H2BC18: variants seen among roughly 807,000 people sequenced by gnomAD.
The protein encoded by H2BC18 is H2B clustered histone 18.
Under a neutral mutation model 6.3 loss-of-function variants are expected in H2BC18, and 8 were observed. The observed-to-expected ratio is 1.28, with a 90% CI of 0.75 to 2.31. The LOEUF (loss-of-function observed/expected upper bound fraction) is 2.31, where lower values mean the gene tolerates loss of function less well. H2BC18 is among the 30% of genes most tolerant of loss of function. The pLI is 0.00. For missense variants in H2BC18, 106 were observed against 174.5 expected, an observed-to-expected ratio of 0.61 and a Z score of 2.21; for synonymous variants, 104 against 78.1, an observed-to-expected ratio of 1.33 and a Z score of -1.75.
At chr1:149,797,334 G>A (rs185706987) in intron 1 of H2BC18, among the ~76,000 whole-genome samples, 8 of 151,822 alleles carry the variant, frequency 5.3e-5, no homozygotes, top group African/African-American at 1.7e-4. Context: ...AATTTGTATG[G>A]AAAAGTCAAC....
chr1:149,812,328 G>A lies in H2BC18; in HGVS notation c.-5C>T, dbSNP rs201696048. 2.8e-3 allele frequency: 4,591 copies of A among 1,613,538 alleles called. 155 individuals are homozygous for A. The South Asian group carries it at 0.048, about 17-fold the overall frequency. On this transcript the variant is annotated 5_prime_UTR_variant, in exon 1 of 1. Transcript: ENST00000369167. ...GGATTTCGCTGGATCCGGCATTTTT[G>A]CGCGAAAAAAGAGAAAAGAGACTTA...
chr1:149,792,609 G>T (rs2091736589), intron 1 of H2BC18: 4 of 1,221,128 alleles, frequency 3.3e-6, no homozygotes, highest in Non-Finnish European at 4.2e-6. Flanking sequence ...CGGGCCCCTG[G>T]CGCCACACTG....
chr1:149,785,407 C>CCTTTTTTT (rs1553750700), intron 1 of H2BC18, among the ~76,000 whole-genome samples: 24 of 74,530 alleles, frequency 3.2e-4, no homozygotes, highest in Non-Finnish European at 5.0e-4. Flanking sequence ...AGAGCTGTTT[C>CCTTTTTTT]GTTTTTTTTT....
downstream of H2BC18, among the ~76,000 whole-genome samples, chr1:149,808,007 T>C (rs1553754072): frequency 1.3e-5 from 2 of 151,858 alleles, no homozygotes; most frequent in Non-Finnish European, 2.9e-5. Context: ...TATAATAATA[T>C]TAAAAAATAA....
intron 1 of H2BC18, chr1:149,792,681 G>A (rs1559748821): frequency 2.3e-6 from 3 of 1,280,432 alleles, no homozygotes; most frequent in Non-Finnish European, 3.0e-6. Context: ...CCAGCGCCCG[G>A]GGACCCAGCT....
chr1:149,792,834 TG>T (rs1553752216), intron 1 of H2BC18: 1 of 1,277,590 alleles, frequency 7.8e-7, no homozygotes, highest in African/African-American at 1.6e-5. Context: ...GGCAGGCGGA[TG>T]GAAGAGAGCA....
At chr1:149,789,581 G>A (rs1553751409) in intron 1 of H2BC18, among the ~76,000 whole-genome samples, 1 of 152,148 alleles carries the variant, frequency 6.6e-6, no homozygotes, top group African/African-American at 2.4e-5. Context: ...TCCGTGGCCT[G>A]TTAGGAACTG....
chr1:149,794,215 G>A (rs2091773829), intron 1 of H2BC18: 1 of 347,030 alleles, frequency 2.9e-6, no homozygotes, highest in African/African-American at 2.2e-5. Flanking sequence ...TGTTTTGTAG[G>A]AAGTGTCAAC....
intron 1 of H2BC18, chr1:149,788,612 T>C: frequency 6.2e-7 from 1 of 1,614,014 alleles, no homozygotes; most frequent in Non-Finnish European, 8.5e-7. Flanking sequence ...TCTGTCACTG[T>C]GAAAGGTATT....
chr1:149,812,370 T>C lies in H2BC18; in HGVS notation c.-47A>G. On this transcript the variant is annotated 5_prime_UTR_variant, in exon 1 of 1. Transcript: ENST00000369167. ...AGAGACTTAAAGAAGTAATCCGAACTACCGCAAAACGGGCTGGTTATGCGC... is the reference window on the plus strand; with the variant it reads ...AGAGACTTAAAGAAGTAATCCGAACCACCGCAAAACGGGCTGGTTATGCGC... 6.2e-7 allele frequency: 1 copy of C among 1,613,690 alleles called. No homozygotes were observed. The highest frequency in any genetic ancestry group is 2.2e-5 in the East Asian group (1 of 44,882).
intron 1 of H2BC18, chr1:149,786,242 T>C (rs1299440274): frequency 2.0e-5 from 3 of 152,228 alleles, no homozygotes; most frequent in Non-Finnish European, 4.4e-5. Context: ...CCTATTTGGG[T>C]ATCCTTTTTT....
At chr1:149,792,749 A>G (rs1357717152) in intron 1 of H2BC18, 4 of 1,283,754 alleles carry the variant, frequency 3.1e-6, no homozygotes, top group Non-Finnish European at 4.1e-6. Context: ...GCCAAAACCC[A>G]GTGAGAAATT....
At chr1:149,808,971 C>A (rs2091948250), downstream of H2BC18, among the ~76,000 whole-genome samples, 1 of 148,534 alleles carries the variant, frequency 6.7e-6, no homozygotes, top group East Asian at 2.0e-4. Context: ...GAACTGCACC[C>A]AGTTTTAAAA....
At chr1:149,806,236 T>C (rs188913187) in intron 1 of H2BC18, among the ~76,000 whole-genome samples, 4 of 152,174 alleles carry the variant, frequency 2.6e-5, no homozygotes, top group Admixed American at 2.6e-4. Flanking sequence ...TGGATATCAG[T>C]CTCATTCAGA....
chr1:149,785,408 G>GTTTTT (rs10670379), intron 1 of H2BC18, among the ~76,000 whole-genome samples: 3 of 67,636 alleles, frequency 4.4e-5, no homozygotes, highest in Admixed American at 1.7e-4. Context: ...GAGCTGTTTC[G>GTTTTT]TTTTTTTTTT....
downstream of H2BC18, chr1:149,810,429 T>C (rs1242810355): frequency 6.6e-6 from 1 of 152,210 alleles, no homozygotes; most frequent in African/African-American, 2.4e-5. Flanking sequence ...ATCTTTTAAT[T>C]GGGTGTAAAT....
In H2BC18 at chr1:149,785,407, C is replaced by CCTTTTTT. The variant is rs1553750700; in HGVS notation, c.378-2148_378-2147insAAAAAAG. ...GTTAGGGAAGCTGACAGAGCTGTTT[C>CCTTTTTT]GTTTTTTTTTTTTTTTTTTTTTTTT... On this transcript the variant is annotated intron_variant, in intron 1 of 1. Transcript: ENST00000545683. Among the ~76,000 whole-genome samples the CCTTTTTT allele has an allele frequency of 2.1e-3, 159 of 74,514 alleles. 8 individuals carry two copies. Among genetic ancestry groups the CCTTTTTT allele is most frequent in the Non-Finnish European group, 3.9e-3 (132 of 34,112 alleles). 48.9% of individuals were successfully genotyped at this position (74,514 alleles called of 152,430 possible). A position where few individuals can be genotyped will look rare whatever the true frequency, so the allele number is the denominator to read the frequency against.
downstream of H2BC18, chr1:149,811,633 C>T: frequency 4.4e-6 from 2 of 452,382 alleles, no homozygotes; most frequent in East Asian, 8.2e-5. Flanking sequence ...TAGAACCACC[C>T]CCCGCCTCCT....
chr1:149,788,259 G>A lies in H2BC18; in HGVS notation c.378-4999C>T, dbSNP rs145378786. ...TAGGCCTGAGATTTGGCAGAGCTCT[G>A]AGGCTGGATGTTGCAAGGAGAAAAA... On this transcript the variant is annotated intron_variant, in intron 1 of 1. Transcript: ENST00000545683. The A allele has an allele frequency of 5.3e-3, 8,534 of 1,608,372 alleles. 352 individuals are homozygous for A. In the African/African-American group the frequency reaches 0.098, roughly 18 times the overall value.
Sources: gnomAD v4.1 joint callset for allele counts (sites outside exome capture counted in the v4.1 genomes callset) on GRCh38, gnomAD v4.1.1 for gene constraint, MANE v1.5 for transcripts, NCBI Gene and HGNC (gene_info 2026-07-23, HGNC 2026-07-21) for gene names.